MFGE8: variants seen among roughly 807,000 people sequenced by gnomAD.
MFGE8 encodes milk fat globule EGF and factor V/VIII domain containing.
In MFGE8, 34 loss-of-function variants were observed where a neutral mutation model predicts 42.6. That is an observed-to-expected ratio of 0.80 (90% CI 0.61 to 1.06). The LOEUF (loss-of-function observed/expected upper bound fraction) is 1.06. Ranked by LOEUF, MFGE8 falls within the 50% of genes least tolerant of loss-of-function variation. The probability of loss-of-function intolerance (pLI) is 0.00; values close to 1 mark genes in which losing one functional copy is unlikely to be tolerated. For missense variants in MFGE8, 510 were observed against 516.9 expected (o/e 0.99, Z 0.13); for synonymous variants, 230 against 214.8 (o/e 1.07, Z -0.62).
At chr15:88,907,872 G>A (rs950366038) in intron 2 of MFGE8, among the ~76,000 whole-genome samples, 3 of 152,110 alleles carry the variant, frequency 2.0e-5, no homozygotes, top group Admixed American at 6.5e-5. Context: ...CCCAGCCCCT[G>A]GCTTCCTCAG....
chr15:88,905,797 G>C lies in MFGE8; in HGVS notation c.645C>G (p.Ala215=). 1 of 1,614,234 alleles carries C rather than the reference G, an allele frequency of 6.2e-7. No individual in the cohort carries two copies. Among genetic ancestry groups the C allele is most frequent in the East Asian group, 2.2e-5 (1 of 44,876 alleles). Residue 215 remains alanine, a synonymous_variant, in exon 5 of 8, where the codon GCC becomes GCG. Coordinates refer to ENST00000268150, the MANE Select transcript of MFGE8 (RefSeq NM_005928.4). The surrounding 1 kb of genome is among the most constrained non-coding windows in gnomAD (Gnocchi z 6.6). ...CCAGTAGCTCAAAGCGCAGAGTGCA[G>C]GCCGTGTGGCAGCTCGTGGGGTACA... The part of the protein sequence containing the change: ...VRLYPTSCHT[A]CTLRFELLGC...
rs189922518 is a variant in MFGE8, at chr15:88,909,869, T to C, written c.128A>G (p.Gln43Arg). The C allele has an allele frequency of 1.2e-4, 194 of 1,614,202 alleles. 1 individual carries two copies. The Admixed American group carries it at 1.9e-3, about 16-fold the overall frequency. The change falls in exon 2 of 8, where the codon CAA becomes CGA. Residue 43 changes from glutamine to arginine, a missense_variant. Physicochemically the swap from Gln to Arg is conservative, Grantham distance 43 (BLOSUM62 1). Transcript: ENST00000268150. ...HNGGLCEEIS[Q>R]EVRGDVFPSY... ...GGGGAAGACATCTCCTCGCACTTCT[T>C]GGGAAATCTCCTCGCATAAACCACC... is the stretch of plus-strand genomic sequence containing the variant.
chr15:88,913,304 G>GGCGGGGGCGCGGCATGCT lies in MFGE8; in HGVS notation c.-3_15dup (p.Arg5_Leu6insSerMetProArgProArg). On this transcript the variant is annotated inframe_insertion, in exon 1 of 8. Transcript: ENST00000268150. Reference sequence around the variant, plus strand: ...AGCGCGCCGCACAGCGCGGCCAGCAGGCGGGGGCGCGGCATGCTGCGGGGA... The same window carrying GGCGGGGGCGCGGCATGCT: ...AGCGCGCCGCACAGCGCGGCCAGCAGGCGGGGGCGCGGCATGCTGCGGGGGCGCGGCATGCTGCGGGGA... The GGCGGGGGCGCGGCATGCT allele has an allele frequency of 6.8e-7, 1 of 1,466,388 alleles. No individual in the cohort carries two copies. Among genetic ancestry groups the GGCGGGGGCGCGGCATGCT allele is most frequent in the Admixed American group, 2.6e-5 (1 of 39,044 alleles). The allele number at this position is 1,466,388 out of a possible 1,614,324, so 90.8% of individuals were successfully genotyped here. A position where few individuals can be genotyped will look rare whatever the true frequency, so the allele number is the denominator to read the frequency against.
In MFGE8 at chr15:88,900,142, T is replaced by A. The variant is rs61234931; in HGVS notation, c.871-331A>T. Reference sequence around the variant, plus strand: ...CTGTAATCCCAGCTACTAGGGAGGCTGAGTCAGAAGAACCGCTTGAACCTG... The same window carrying A: ...CTGTAATCCCAGCTACTAGGGAGGCAGAGTCAGAAGAACCGCTTGAACCTG... On this transcript the variant is annotated intron_variant, in intron 6 of 7. Coordinates refer to ENST00000268150, the MANE Select transcript of MFGE8 (RefSeq NM_005928.4). 2.7e-5 allele frequency among the ~76,000 whole-genome samples: 4 copies of A among 150,878 alleles called. No homozygotes were observed. The South Asian group carries it at 6.3e-4, about 24-fold the overall frequency.
At position 88,909,814 on chromosome 15, in the gene MFGE8, G is replaced by A. The variant is rs370492620; in HGVS notation, c.183C>T (p.Tyr61=). The change falls in exon 2 of 8, where the codon TAC becomes TAT. Residue 61 remains tyrosine (Y), a synonymous_variant. Coordinates refer to ENST00000268150, the MANE Select transcript of MFGE8 (RefSeq NM_005928.4). ...CACTCGTCTCACAGTGGTTGCCCGC[G>A]TAGCCCTTAAGGCACGTGCAGGTGT... ...PSYTCTCLKG[Y]AGNHCETKCV... The A allele has an allele frequency of 7.9e-5, 127 of 1,614,064 alleles. No homozygotes were observed. Among genetic ancestry groups the A allele is most frequent in the East Asian group, 2.7e-4 (12 of 44,898 alleles).
In MFGE8 at chr15:88,905,938, A is replaced by C. The variant is rs1222088032; in HGVS notation, c.541-37T>G. The C allele has an allele frequency of 6.2e-7, 1 of 1,613,116 alleles. No individual in the cohort carries two copies. Among genetic ancestry groups the C allele is most frequent in the Non-Finnish European group, 8.5e-7 (1 of 1,179,152 alleles). On this transcript the variant is annotated intron_variant, in intron 4 of 7. Transcript: ENST00000268150. The surrounding 1 kb of genome is among the most constrained non-coding windows in gnomAD (Gnocchi z 6.6). ...GGGACAAGACTGGAGAAGGGGGTCCATCTGAGCAGTCCCCCTCCCTGGGGT... is the reference window on the plus strand; with the variant it reads ...GGGACAAGACTGGAGAAGGGGGTCCCTCTGAGCAGTCCCCCTCCCTGGGGT...
At chr15:88,910,409 T>C (rs923856645) in intron 1 of MFGE8, 13 of 244,778 alleles carry the variant, frequency 5.3e-5, no homozygotes, top group Admixed American at 3.6e-4. Context: ...AGATGTCACC[T>C]CCAATGGCAG....
chr15:88,911,148 C>T (rs1402066905), intron 1 of MFGE8: 4 of 152,302 alleles, frequency 2.6e-5, no homozygotes, highest in African/African-American at 7.2e-5. Flanking sequence ...GAGAGGAAGT[C>T]AGGGCAGAGG....
rs1286947978 is a variant in MFGE8 at position 88,899,800 on chromosome 15, G to A, written c.882C>T (p.Gly294=). ...TGATGCCTGTCACCTCCTTCGAGGAGCCCAGGTCCACCTACAGAAGAAACC... is the reference window on the plus strand; with the variant it reads ...TGATGCCTGTCACCTCCTTCGAGGAACCCAGGTCCACCTACAGAAGAAACC... ...GNDQWLQVDL[G]SSKEVTGIIT... The change falls in exon 7 of 8, where the codon GGC becomes GGT. Residue 294 remains glycine, a synonymous_variant. Transcript: ENST00000268150. The surrounding 1 kb of genome is among the most constrained non-coding windows in gnomAD (Gnocchi z 6.8). 1 of 1,613,958 alleles carries A rather than the reference G, an allele frequency of 6.2e-7. No homozygotes were observed. The highest frequency in any genetic ancestry group is 8.5e-7 in the Non-Finnish European group (1 of 1,179,896).
In MFGE8 at chr15:88,899,870, A is replaced by G. The variant is rs1898279243; in HGVS notation, c.871-59T>C. ...GGACCATCTCCAGTAAGGTGAAAAG[A>G]GGCAGACACACTGAGGCATGAATTC... On this transcript the variant is annotated intron_variant, in intron 6 of 7. Transcript: ENST00000268150. This position sits in a 1 kb window ranked among gnomAD's most constrained non-coding sequence, Gnocchi z 6.8. The G allele has an allele frequency of 1.3e-6, 2 of 1,598,624 alleles. No homozygotes were observed. The highest frequency in any genetic ancestry group is 1.7e-6 in the Non-Finnish European group (2 of 1,167,036).
chr15:88,907,782 G>C (rs1213651577), intron 2 of MFGE8, among the ~76,000 whole-genome samples: 1 of 151,962 alleles, frequency 6.6e-6, no homozygotes, highest in Non-Finnish European at 1.5e-5. Flanking sequence ...GCAGGGGTTA[G>C]ACTGGTGGCA....
intron 6 of MFGE8, chr15:88,900,656 C>G: frequency 1.0e-6 from 1 of 966,680 alleles, no homozygotes; most frequent in African/African-American, 1.8e-5. Context: ...ACCCAACTCA[C>G]TGCCAGCCAG....
intron 2 of MFGE8, among the ~76,000 whole-genome samples, chr15:88,908,832 G>A (rs560230470): frequency 1.3e-5 from 2 of 152,160 alleles, no homozygotes; most frequent in African/African-American, 4.8e-5. Flanking sequence ...GAGGTAAAAG[G>A]CATCCTACTC....
At chr15:88,912,653 C>T (rs1342936070) in intron 1 of MFGE8, 1 of 985,358 alleles carries the variant, frequency 1.0e-6, no homozygotes, top group Non-Finnish European at 1.2e-6. Context: ...TCAGGAGACT[C>T]CCATCAGCAG....
Position 88,906,550 on chromosome 15 carries a change from TG to T in MFGE8, c.540+75del, listed in dbSNP as rs753693683. Reference sequence around the variant, plus strand: ...ATCACCTAGGGTTCTCTGGACTCGCTGGGGGTCCTCAGTCAATGCTAGAACC... The same window carrying T: ...ATCACCTAGGGTTCTCTGGACTCGCTGGGGTCCTCAGTCAATGCTAGAACC... On this transcript the variant is annotated intron_variant, in intron 4 of 7. Transcript: ENST00000268150. This position sits in a 1 kb window ranked among gnomAD's most constrained non-coding sequence, Gnocchi z 4.2. 1.9e-6 allele frequency: 3 copies of T among 1,568,760 alleles called. No individual in the cohort carries two copies. The highest frequency in any genetic ancestry group is 8.8e-7 in the Non-Finnish European group (1 of 1,139,954).
chr15:88,911,066 A>C (rs952225711), intron 1 of MFGE8: 1 of 152,330 alleles, frequency 6.6e-6, no homozygotes, highest in African/African-American at 2.4e-5. Flanking sequence ...GTAGCTGCAG[A>C]CAGGTCCCTC....
At chr15:88,907,715 C>CCT (rs1555414388) in intron 2 of MFGE8, among the ~76,000 whole-genome samples, 2 of 147,266 alleles carry the variant, frequency 1.4e-5, no homozygotes, top group Non-Finnish European at 3.0e-5. Flanking sequence ...GTCCCCCCCG[C>CCT]CAGGCTGTGG....
In MFGE8 at chr15:88,901,656, C is replaced by G. The variant is rs772135354; in HGVS notation, c.765G>C (p.Trp255Cys). Residue 255 changes from tryptophan to cysteine, a missense_variant, in exon 6 of 8, where the codon TGG becomes TGC. Physicochemically the swap from Trp to Cys is radical, Grantham distance 215. Coordinates refer to ENST00000268150, the MANE Select transcript of MFGE8 (RefSeq NM_005928.4). ...QITASSSYKT[W>C]GLHLFSWNPS... ...GGTTCCAGCTGAAGAGATGCAAGCC[C>G]CAGGTCTTGTAGCTGCTGGAGGCCG... 5.6e-6 allele frequency: 9 copies of G among 1,613,786 alleles called. No individual in the cohort carries two copies. The African/African-American group carries it at 1.2e-4, about 22-fold the overall frequency.
At position 88,901,270 on chromosome 15, in the gene MFGE8, TTCACACACAC is replaced by T. The variant is rs1305869178; in HGVS notation, c.870+271_870+280del. Among the ~76,000 whole-genome samples, 9 of 90,102 alleles carry T rather than the reference TTCACACACAC, an allele frequency of 1.0e-4. 1 individual carries two copies. Among genetic ancestry groups the T allele is most frequent in the East Asian group, 2.9e-4 (1 of 3,410 alleles). The allele number at this position is 90,102 out of a possible 152,430, so 59.1% of individuals were successfully genotyped here. ...ACACGCACGCATTCACACGCACGCA[TTCACACACAC>T]TCACATTCACACACATTCACACACT... On this transcript the variant is annotated intron_variant, in intron 6 of 7. Transcript: ENST00000268150.
Sources: allele counts gnomAD v4.1 joint callset (sites outside exome capture counted in the v4.1 genomes callset), GRCh38; gene constraint gnomAD v4.1.1; non-coding constraint Gnocchi (gnomAD v3.1); transcripts MANE v1.5; gene names NCBI Gene and HGNC (gene_info 2026-07-23, HGNC 2026-07-21).